The following RPL4 variants were observed in gnomAD, a reference collection of about 807,000 sequenced individuals.
RPL4 encodes large ribosomal subunit protein uL4.
Under a neutral mutation model 47.7 loss-of-function variants are expected in RPL4, and 3 were observed. That is an observed-to-expected ratio of 0.06 (90% confidence interval 0.03 to 0.16). The LOEUF (loss-of-function observed/expected upper bound fraction) is 0.16, where lower values mean the gene tolerates loss of function less well. Ranked by LOEUF, RPL4 falls within the 10% of genes least tolerant of loss-of-function variation. The pLI is 1.00. For missense variants in RPL4, 413 were observed against 551.3 expected (o/e 0.75, Z 2.51); for synonymous variants, 208 against 182.1 (o/e 1.14, Z -1.15).
At chr15:66,502,566 T>C in intron 4 of RPL4, 46 bp downstream of exon 4, 1 of 1,582,820 alleles carries the variant, frequency 6.3e-7, no homozygotes. Context: ...AAATAGTAGG[T>C]GTCTTATTTC....
At chr15:66,502,039 A>C (rs748714329) in intron 4 of RPL4, 127 bp from the exon 5 acceptor site, 16 of 1,231,906 alleles carry the variant, frequency 1.3e-5, no homozygotes, top group Non-Finnish European at 1.9e-5. Flanking sequence ...ATTTCCACAA[A>C]TATCATGTGT....
intron 1 of RPL4, 114 bp from the exon 2 acceptor site, chr15:66,503,643 G>C: frequency 9.1e-7 from 1 of 1,096,006 alleles, no homozygotes; most frequent in East Asian, 2.7e-5. Flanking sequence ...GGTATGGTGA[G>C]GCAAACAACC....
chr15:66,499,219 T>G lies in RPL4; in HGVS notation c.*188A>C, dbSNP rs1462653541. On this transcript the variant is annotated 3_prime_UTR_variant, in exon 10 of 10. Coordinates refer to ENST00000307961, the MANE Select transcript of RPL4 (RefSeq NM_000968.4). Reference sequence around the variant, plus strand: ...GACTTAGTATAAATCCATGCCCCATTTTATACCACACTATATAAAATGTAA... The same window carrying G: ...GACTTAGTATAAATCCATGCCCCATGTTATACCACACTATATAAAATGTAA... 9.1e-6 allele frequency: 6 copies of G among 657,072 alleles called. No homozygotes were observed. The highest frequency in any genetic ancestry group is 1.8e-5 in the African/African-American group (1 of 55,192). 40.7% of individuals were successfully genotyped at this position (657,072 alleles called of 1,614,324 possible). A position where few individuals can be genotyped will look rare whatever the true frequency, so the allele number is the denominator to read the frequency against.
At chr15:66,500,019 A>G in intron 9 of RPL4, 37 bp downstream of exon 9, 1 of 1,610,438 alleles carries the variant, frequency 6.2e-7, no homozygotes, top group African/African-American at 1.3e-5. Context: ...CGAGATTCCG[A>G]CTCAAAAACA....
chr15:66,501,905 A>G lies in RPL4; in HGVS notation c.429T>C (p.Arg143=). 6.2e-7 allele frequency: 1 copy of G among 1,609,504 alleles called. No homozygotes were observed. Residue 143 remains arginine (R), a synonymous_variant, in exon 5 of 10, where the codon CGT becomes CGC. Transcript: ENST00000307961. ...AAGGAAGTTCAGGAACTTCCTCAAT[A>G]CGATGACCTAACAAAAACCAATGAC... ...LPALVMSKGH[R]IEEVPELPLV...
chr15:66,501,958 GA>G, intron 4 of RPL4, 46 bp from the exon 5 acceptor site: 1 of 1,562,006 alleles, frequency 6.4e-7, no homozygotes, highest in Non-Finnish European at 8.6e-7. Context: ...GAAACTTTTG[GA>G]GAAAAAAAAA....
intron 7 of RPL4, chr15:66,500,638 C>G (rs184138638): frequency 1.8e-6 from 1 of 541,154 alleles, no homozygotes; most frequent in African/African-American, 1.9e-5. Context: ...TACAATTAGC[C>G]GGGTGTGGTG....
intron 9 of RPL4, 134 bp from the exon 10 acceptor site, chr15:66,499,786 G>A: frequency 8.1e-7 from 1 of 1,237,572 alleles, no homozygotes; most frequent in South Asian, 1.5e-5. Flanking sequence ...CACTTTGGGA[G>A]GCCGAGGCAG....
Position 66,501,542 on chromosome 15 carries a change from G to T in RPL4, c.547-38C>A, listed in dbSNP as rs779016653. 2.5e-6 allele frequency: 4 copies of T among 1,610,482 alleles called. No homozygotes were observed. In the South Asian group the frequency reaches 3.3e-5, roughly 13 times the overall value. On this transcript the variant is annotated intron_variant, in intron 5 of 9. Coordinates refer to ENST00000307961, the MANE Select transcript of RPL4 (RefSeq NM_000968.4). ...CAGTTTTAGTATTCTGATTAAGATA[G>T]AATCTCTGCAATAGATCTTCAGAGT...
chr15:66,502,155 A>G (rs548437006), intron 4 of RPL4: 7 of 633,156 alleles, frequency 1.1e-5, no homozygotes, highest in South Asian at 1.1e-4. Context: ...TTCTAAGGAT[A>G]TACTAAACTA....
chr15:66,502,286 T>C (rs1893634771), intron 4 of RPL4: 3 of 381,906 alleles, frequency 7.9e-6, no homozygotes, highest in East Asian at 5.7e-5. Flanking sequence ...ATGAAAAGAA[T>C]GTGCAATTTT....
intron 7 of RPL4, 87 bp downstream of exon 7, chr15:66,500,862 G>A (rs1315971442): frequency 2.7e-6 from 4 of 1,471,228 alleles, no homozygotes; most frequent in Non-Finnish European, 3.7e-6. Flanking sequence ...GGGGAAATGG[G>A]AATAAATTTA....
chr15:66,501,570 T>C lies in RPL4; in HGVS notation c.547-66A>G, dbSNP rs1893616053. The C allele has an allele frequency of 3.8e-6, 6 of 1,595,776 alleles. No individual in the cohort carries two copies. The Admixed American group carries it at 1.0e-4, about 27-fold the overall frequency. On this transcript the variant is annotated intron_variant, in intron 5 of 9. Transcript: ENST00000307961. ...TCTCTGCAATAGATCTTCAGAGTTT[T>C]AATTCCTTTTTACAGATGATTAAAC...
At chr15:66,504,599 A>AC (rs1411146809) in intron 1 of RPL4, among the ~76,000 whole-genome samples, 189 bp downstream of exon 1, 2 of 151,426 alleles carry the variant, frequency 1.3e-5, no homozygotes, top group African/African-American at 4.9e-5. Context: ...TGTGCTGGGA[A>AC]CCCCACGTTG....
Position 66,499,343 on chromosome 15 carries a change from G to A in RPL4, c.*64C>T. ...TGTTTCTCACTGCCTGTATAATCAGGTCTTTATTCAAAAGAAGCTGTCCAA... is the reference window on the plus strand; with the variant it reads ...TGTTTCTCACTGCCTGTATAATCAGATCTTTATTCAAAAGAAGCTGTCCAA... On this transcript the variant is annotated 3_prime_UTR_variant, in exon 10 of 10. Coordinates refer to ENST00000307961, the MANE Select transcript of RPL4 (RefSeq NM_000968.4). 2.0e-6 allele frequency: 3 copies of A among 1,533,052 alleles called. No homozygotes were observed. Among genetic ancestry groups the A allele is most frequent in the Non-Finnish European group, 2.6e-6 (3 of 1,140,756 alleles). 95.0% of individuals were successfully genotyped at this position (1,533,052 alleles called of 1,614,324 possible).
Position 66,504,815 on chromosome 15 carries a change from T to G in RPL4, c.-25A>C, listed in dbSNP as rs779273302. 4.3e-6 allele frequency: 7 copies of G among 1,610,204 alleles called. No individual in the cohort carries two copies. The highest frequency in any genetic ancestry group is 1.7e-5 in the Admixed American group (1 of 59,718). ...TGGCGGAGAGAGGAGACAGCCACGC[T>G]CCTCTCAGCCCGGCTGCTGCCACAG... On this transcript the variant is annotated 5_prime_UTR_variant, in exon 1 of 10. Coordinates refer to ENST00000307961, the MANE Select transcript of RPL4 (RefSeq NM_000968.4).
chr15:66,500,738 C>T, intron 7 of RPL4: 1 of 615,798 alleles, frequency 1.6e-6, no homozygotes. Context: ...GCCACGATCA[C>T]ACCACTACAC....
chr15:66,498,653 A>T lies in RPL4; in HGVS notation c.*754T>A, dbSNP rs983143336. 2 of 152,302 alleles carry T rather than the reference A, an allele frequency of 1.3e-5. No individual in the cohort carries two copies. The highest frequency in any genetic ancestry group is 2.9e-5 in the Non-Finnish European group (2 of 68,118). The allele number at this position is 152,302 out of a possible 1,614,324, so 9.4% of individuals were successfully genotyped here. On this transcript the variant is annotated 3_prime_UTR_variant, in exon 10 of 10. Transcript: ENST00000307961. ...GCTCTGACGCCCAGGCTGGAGGGCAATGGTACAATCTTGGCTCATTGCAAC... is the reference window on the plus strand; with the variant it reads ...GCTCTGACGCCCAGGCTGGAGGGCATTGGTACAATCTTGGCTCATTGCAAC...
At chr15:66,501,658 G>T in intron 5 of RPL4, 130 bp downstream of exon 5, 2 of 1,499,500 alleles carry the variant, frequency 1.3e-6, no homozygotes, top group Non-Finnish European at 1.8e-6. Flanking sequence ...TCAAACCCAA[G>T]TAATCGGGCT....
Sources: allele counts gnomAD v4.1 joint callset (sites outside exome capture counted in the v4.1 genomes callset), GRCh38; gene constraint gnomAD v4.1.1; transcripts MANE v1.5; gene names NCBI Gene and HGNC (gene_info 2026-07-23, HGNC 2026-07-21).